Variants in DYM observed in about 807,000 individuals in gnomAD.
DYM encodes dymeclin, also known as dyggve-Melchior-Clausen syndrome protein.
DYM carries 78 observed loss-of-function variants against 93.1 expected under a neutral mutation model. The observed-to-expected ratio is 0.84, with a 90% CI of 0.70 to 1.01. The LOEUF is 1.01. DYM is among the 50% of genes least tolerant of loss of function. The pLI is 0.00. For synonymous variants in DYM, 321 were observed against 319.7 expected, an observed-to-expected ratio of 1.00 and a Z score of -0.04; for missense variants, 789 against 845.0, an observed-to-expected ratio of 0.93 and a Z score of 0.82.
intron 11 of DYM, among the ~76,000 whole-genome samples, chr18:49,271,085 T>G (rs868527335): frequency 6.6e-6 from 1 of 152,190 alleles, no homozygotes; most frequent in South Asian, 2.1e-4. Context: ...CTCCTACAGA[T>G]GAACAGATCA....
intron 17 of DYM, among the ~76,000 whole-genome samples, chr18:49,081,068 C>T (rs1255567134): frequency 1.2e-4 from 18 of 147,330 alleles, no homozygotes; most frequent in African/African-American, 4.0e-4. Flanking sequence ...GATGGGCGGC[C>T]AGGCAGAGAC....
intron 5 of DYM, among the ~76,000 whole-genome samples, chr18:49,370,400 C>T (rs1288350143): frequency 6.6e-6 from 1 of 152,092 alleles, no homozygotes; most frequent in Non-Finnish European, 1.5e-5. Flanking sequence ...CACTTTGTTG[C>T]TTTTATCTTC....
chr18:49,318,298 A>C (rs1048485457), intron 8 of DYM, among the ~76,000 whole-genome samples: 2 of 152,234 alleles, frequency 1.3e-5, no homozygotes, highest in Non-Finnish European at 2.9e-5. Context: ...AGACAAGAAT[A>C]GGAGACTTGA....
At chr18:49,451,769 TA>T in intron 1 of DYM, among the ~76,000 whole-genome samples, 1 of 152,208 alleles carries the variant, frequency 6.6e-6, no homozygotes, top group Non-Finnish European at 1.5e-5. Context: ...AAATCAGGAC[TA>T]GAGAGAGAAA....
intron 1 of DYM, among the ~76,000 whole-genome samples, chr18:49,432,598 A>ATTT: frequency 8.8e-6 from 1 of 113,560 alleles, no homozygotes; most frequent in East Asian, 3.8e-4. Flanking sequence ...CCAGCATTAA[A>ATTT]ATTTTTTTTT....
chr18:49,093,562 A>T (rs2079273679), intron 17 of DYM, among the ~76,000 whole-genome samples: 1 of 152,070 alleles, frequency 6.6e-6, no homozygotes, highest in Admixed American at 6.5e-5. Flanking sequence ...GAATGACTTG[A>T]GAAATGAGAA....
chr18:49,221,836 G>T (rs998650778), intron 13 of DYM, among the ~76,000 whole-genome samples: 1 of 151,866 alleles, frequency 6.6e-6, no homozygotes, highest in Non-Finnish European at 1.5e-5. Context: ...GAGCACACCA[G>T]CATGGCACAT....
intron 17 of DYM, among the ~76,000 whole-genome samples, chr18:49,055,173 T>C (rs1190802560): frequency 1.3e-5 from 2 of 152,122 alleles, no homozygotes; most frequent in Non-Finnish European, 2.9e-5. Context: ...GAACTGCATG[T>C]GGAGGGACCC....
chr18:49,235,617 C>G (rs6507891), intron 13 of DYM, among the ~76,000 whole-genome samples: 151,569 of 152,266 alleles, frequency 1, 75,443 homozygotes, highest in Middle Eastern at 1. Context: ...AGTGGCCTGA[C>G]ATTACACTGC....
intron 8 of DYM, among the ~76,000 whole-genome samples, chr18:49,290,213 G>A (rs926862848): frequency 2.6e-5 from 4 of 151,738 alleles, no homozygotes; most frequent in African/African-American, 9.7e-5. Context: ...ATAAACTATG[G>A]TTAAACTATA....
chr18:49,139,047 A>G (rs2084166534), intron 15 of DYM, among the ~76,000 whole-genome samples: 1 of 152,176 alleles, frequency 6.6e-6, no homozygotes, highest in Non-Finnish European at 1.5e-5. Flanking sequence ...AACTGTACAG[A>G]CTAATACTTA....
intron 8 of DYM, among the ~76,000 whole-genome samples, chr18:49,328,393 G>A (rs758186376): frequency 6.6e-6 from 1 of 152,120 alleles, no homozygotes; most frequent in Non-Finnish European, 1.5e-5. Flanking sequence ...AAGAGCCAGA[G>A]AGAGAAGTAA....
At chr18:49,252,606 T>C (rs1384801111) in intron 13 of DYM, among the ~76,000 whole-genome samples, 3 of 152,128 alleles carry the variant, frequency 2.0e-5, no homozygotes, top group Non-Finnish European at 2.9e-5. Flanking sequence ...ATTTTCAGTA[T>C]ACAAATGACA....
At chr18:49,437,229 T>C (rs1481173298) in intron 1 of DYM, among the ~76,000 whole-genome samples, 1 of 152,218 alleles carries the variant, frequency 6.6e-6, no homozygotes. Context: ...ACAGACATTC[T>C]GTGTATATAC....
At chr18:49,150,419 G>GAC (rs2144716653) in intron 15 of DYM, among the ~76,000 whole-genome samples, 1 of 152,262 alleles carries the variant, frequency 6.6e-6, no homozygotes, top group South Asian at 2.1e-4. Context: ...TATAGTAAAA[G>GAC]ACACCAGAGA....
At chr18:49,097,104 C>G in intron 17 of DYM, 1 of 457,686 alleles carries the variant, frequency 2.2e-6, no homozygotes, top group Non-Finnish European at 4.0e-6. Flanking sequence ...TTCCCATTAA[C>G]TCTTGATGAT....
intron 14 of DYM, among the ~76,000 whole-genome samples, chr18:49,201,188 A>G (rs2091958108): frequency 6.6e-6 from 1 of 152,242 alleles, no homozygotes; most frequent in Admixed American, 6.5e-5. Flanking sequence ...CAAATGATAC[A>G]TACTAAATAT....
At chr18:49,107,158 A>G (rs1209706619) in intron 16 of DYM, among the ~76,000 whole-genome samples, 2 of 151,944 alleles carry the variant, frequency 1.3e-5, no homozygotes, top group African/African-American at 2.4e-5. Flanking sequence ...CATTCATTTG[A>G]TCTTCCATCA....
intron 17 of DYM, among the ~76,000 whole-genome samples, chr18:49,047,530 T>C (rs1453521484): frequency 6.6e-6 from 1 of 152,136 alleles, no homozygotes; most frequent in Admixed American, 6.5e-5. Flanking sequence ...CTTTATTCTT[T>C]CCCTCCTCTC....
Sources: allele counts gnomAD v4.1 joint callset (sites outside exome capture counted in the v4.1 genomes callset), GRCh38; gene constraint gnomAD v4.1.1; transcripts MANE v1.5; gene names NCBI Gene and HGNC (gene_info 2026-07-23, HGNC 2026-07-21).